MYT1L: variants seen among roughly 807,000 people sequenced by gnomAD.
The protein encoded by MYT1L is myelin transcription factor 1 like, also known as myelin transcription factor 1-like protein.
MYT1L carries 12 observed loss-of-function variants against 126.7 expected under a neutral mutation model. The ratio of observed to expected loss-of-function variants is 0.09; its 90% CI spans 0.06 to 0.15. The LOEUF (loss-of-function observed/expected upper bound fraction) is 0.15. MYT1L is among the 10% of genes least tolerant of loss of function. MYT1L has a pLI of 1.00. For missense variants in MYT1L, 979 were observed against 1,585.2 expected, an observed-to-expected ratio of 0.62 and a Z score of 6.49; for synonymous variants, 541 against 604.2, an observed-to-expected ratio of 0.90 and a Z score of 1.53.
At chr2:2,218,758 G>A (rs17039395) in intron 2 of MYT1L, among the ~76,000 whole-genome samples, 46,808 of 152,106 alleles carry the variant, frequency 0.31, 7,629 homozygotes, top group African/African-American at 0.42. Context: ...AGGGTTTGGT[G>A]AAGCAGAGGA....
At chr2:2,014,558 G>A (rs540348880) in intron 4 of MYT1L, among the ~76,000 whole-genome samples, 23 of 152,322 alleles carry the variant, frequency 1.5e-4, no homozygotes, top group Middle Eastern at 3.4e-3. Context: ...GAGCACAGGC[G>A]TCTGCTTGCT....
chr2:2,127,308 C>T (rs896987122), intron 3 of MYT1L, among the ~76,000 whole-genome samples: 5 of 152,178 alleles, frequency 3.3e-5, no homozygotes, highest in Admixed American at 6.5e-5. Flanking sequence ...TATGCACACA[C>T]ACTGAAGCAG....
At chr2:2,185,412 C>T (rs2092006790) in intron 2 of MYT1L, among the ~76,000 whole-genome samples, 1 of 152,252 alleles carries the variant, frequency 6.6e-6, no homozygotes, top group Non-Finnish European at 1.5e-5. Context: ...AATATATTCA[C>T]CTGATTGGCC....
In MYT1L at chr2:2,166,826, AT is replaced by A. The variant is rs1191209699; in HGVS notation, c.-304+6045del. 1.1e-4 allele frequency among the ~76,000 whole-genome samples: 16 copies of A among 152,234 alleles called. 2 individuals are homozygous for A. The highest frequency in any genetic ancestry group is 3.6e-4 in the African/African-American group (15 of 41,536). On this transcript the variant is annotated intron_variant, in intron 3 of 24. Coordinates refer to ENST00000647738, the MANE Select transcript of MYT1L (RefSeq NM_001303052.2). The stretch of plus-strand genomic sequence containing the variant: ...CATTTTTTTAGTTTGTCTATCCTAT[AT>A]TTTTTATGCAAATACAAGCAAATAC...
chr2:1,878,160 C>T (rs2047151443), intron 18 of MYT1L, among the ~76,000 whole-genome samples: 1 of 152,166 alleles, frequency 6.6e-6, no homozygotes, highest in Admixed American at 6.5e-5. Flanking sequence ...TGAGTCTTTC[C>T]AGTAACTTCT....
intron 8 of MYT1L, among the ~76,000 whole-genome samples, chr2:1,944,401 C>T (rs2057000765): frequency 6.6e-6 from 1 of 152,150 alleles, no homozygotes; most frequent in Non-Finnish European, 1.5e-5. Context: ...TAGAGGCAAA[C>T]TACCGCAGGC....
In MYT1L at chr2:1,862,731, G is replaced by A. The variant is rs527779670; in HGVS notation, c.2712-11028C>T. Reference sequence around the variant, plus strand: ...CAAAGAGGGCCAAAGAGGGCAGAGAGAGAGGTTGGAGCACCTGCTGCAAAC... The same window carrying A: ...CAAAGAGGGCCAAAGAGGGCAGAGAAAGAGGTTGGAGCACCTGCTGCAAAC... On this transcript the variant is annotated intron_variant, in intron 18 of 24. Transcript: ENST00000647738. Among the ~76,000 whole-genome samples the A allele has an allele frequency of 5.3e-5, 8 of 152,332 alleles. No individual in the cohort carries two copies. In the East Asian group the frequency reaches 1.5e-3, roughly 29 times the overall value.
At chr2:1,834,483 C>T (rs1232016517) in intron 21 of MYT1L, among the ~76,000 whole-genome samples, 2 of 152,186 alleles carry the variant, frequency 1.3e-5, no homozygotes, top group African/African-American at 4.8e-5. Context: ...ATAGTCAACA[C>T]ATGATGGAAT....
intron 21 of MYT1L, among the ~76,000 whole-genome samples, chr2:1,813,193 G>C (rs912357015): frequency 5.3e-5 from 8 of 152,184 alleles, no homozygotes; most frequent in African/African-American, 1.9e-4. Context: ...GGGAGAGAGG[G>C]AGGGCCACAA....
At chr2:1,860,383 C>A (rs2044434565) in intron 18 of MYT1L, among the ~76,000 whole-genome samples, 1 of 152,214 alleles carries the variant, frequency 6.6e-6, no homozygotes, top group African/African-American at 2.4e-5. Flanking sequence ...GCCTCTCGCC[C>A]TCGCGTGGAA....
intron 1 of MYT1L, among the ~76,000 whole-genome samples, chr2:2,293,742 C>A (rs575595662): frequency 2.0e-5 from 3 of 152,152 alleles, no homozygotes; most frequent in Admixed American, 2.0e-4. Flanking sequence ...TGGACACCAA[C>A]CCCCAGGTGC....
chr2:2,090,209 C>G (rs1017929826), intron 3 of MYT1L, among the ~76,000 whole-genome samples: 8 of 152,282 alleles, frequency 5.3e-5, no homozygotes, highest in Non-Finnish European at 8.8e-5. Flanking sequence ...TCAATCAAAA[C>G]ATAAACTTGT....
chr2:1,901,633 T>C (rs1479302280), intron 14 of MYT1L, among the ~76,000 whole-genome samples: 2 of 152,232 alleles, frequency 1.3e-5, no homozygotes, highest in Non-Finnish European at 1.5e-5. Context: ...GCAATTCCTG[T>C]AGAATAATAA....
intron 12 of MYT1L, among the ~76,000 whole-genome samples, chr2:1,911,155 G>A (rs1455640036): frequency 6.6e-6 from 1 of 152,128 alleles, no homozygotes; most frequent in Non-Finnish European, 1.5e-5. Flanking sequence ...CCAACCTATC[G>A]ATCATTTCCT....
intron 3 of MYT1L, among the ~76,000 whole-genome samples, chr2:2,120,610 T>C (rs1296643041): frequency 1.3e-5 from 2 of 152,010 alleles, no homozygotes; most frequent in African/African-American, 2.4e-5. Context: ...GATGTGAAGC[T>C]AAGGGGAGTC....
intron 8 of MYT1L, among the ~76,000 whole-genome samples, chr2:1,956,073 CATCT>C (rs936745003): frequency 3.9e-5 from 6 of 152,036 alleles, no homozygotes; most frequent in Admixed American, 3.3e-4. Flanking sequence ...ATCTACCTAT[CATCT>C]ATCTATCCAT....
chr2:2,092,958 T>G (rs1435945599), intron 3 of MYT1L, among the ~76,000 whole-genome samples: 2 of 152,232 alleles, frequency 1.3e-5, no homozygotes, highest in Admixed American at 6.5e-5. Context: ...CTTTTGCCTC[T>G]CCACATGGGT....
At chr2:1,863,136 T>C (rs2044936343) in intron 18 of MYT1L, among the ~76,000 whole-genome samples, 1 of 152,114 alleles carries the variant, frequency 6.6e-6, no homozygotes, top group Non-Finnish European at 1.5e-5. Context: ...TCTGAACTCT[T>C]GGAGAGAAAA....
chr2:2,209,591 A>G (rs2093432526), intron 2 of MYT1L, among the ~76,000 whole-genome samples: 1 of 152,192 alleles, frequency 6.6e-6, no homozygotes, highest in African/African-American at 2.4e-5. Flanking sequence ...ATTCTTTTTT[A>G]TGGCAGAATA....
Sources: gnomAD v4.1 joint callset for allele counts (sites outside exome capture counted in the v4.1 genomes callset) on GRCh38, gnomAD v4.1.1 for gene constraint, MANE v1.5 for transcripts, NCBI Gene and HGNC (gene_info 2026-07-23, HGNC 2026-07-21) for gene names.